GRID1: variants seen among roughly 807,000 people sequenced by gnomAD.
The protein encoded by GRID1 is glutamate receptor ionotropic, delta-1.
GRID1 carries 28 observed loss-of-function variants against 98.0 expected under a neutral mutation model. The observed-to-expected ratio is 0.29, with a 90% CI of 0.21 to 0.39. GRID1 has a LOEUF of 0.39. Ranked by LOEUF, GRID1 falls within the 10% of genes least tolerant of loss-of-function variation. GRID1 has a pLI of 1.00. For missense variants in GRID1, 1,111 were observed against 1,340.5 expected (o/e 0.83, Z 2.67); for synonymous variants, 553 against 538.5 (o/e 1.03, Z -0.37).
At chr10:86,234,658 CT>C (rs1846507854) in intron 2 of GRID1, among the ~76,000 whole-genome samples, 1 of 152,192 alleles carries the variant, frequency 6.6e-6, no homozygotes, top group South Asian at 2.1e-4. Flanking sequence ...TTTAATTTCA[CT>C]TGCTGCTCTC....
intron 5 of GRID1, among the ~76,000 whole-genome samples, chr10:85,877,993 T>C (rs1033640251): frequency 2.6e-5 from 4 of 152,146 alleles, no homozygotes; most frequent in Non-Finnish European, 5.9e-5. Context: ...CAGGAGCCGA[T>C]GCAATCGACT....
At chr10:86,152,349 A>G (rs1845181057) in intron 3 of GRID1, among the ~76,000 whole-genome samples, 1 of 152,206 alleles carries the variant, frequency 6.6e-6, no homozygotes, top group Admixed American at 6.5e-5. Flanking sequence ...GGGATGCCAG[A>G]AAACCCTGAG....
intron 8 of GRID1, among the ~76,000 whole-genome samples, chr10:85,820,550 T>C (rs1842760250): frequency 6.6e-6 from 1 of 152,192 alleles, no homozygotes; most frequent in African/African-American, 2.4e-5. Flanking sequence ...GGTTAATATA[T>C]TATTCCAAGG....
chr10:86,273,716 G>C (rs1397358983), intron 2 of GRID1, among the ~76,000 whole-genome samples: 1 of 152,108 alleles, frequency 6.6e-6, no homozygotes, highest in Non-Finnish European at 1.5e-5. Context: ...GTCTTCTTTT[G>C]AGAAGTGTCT....
rs151208684 is a variant in GRID1 at position 86,365,735 on chromosome 10, G to A, written c.79+579C>T. ...CACACCGGAGAAGCAGGCAGACACT[G>A]TGTCCACTCTAACAGGCTGACAGAC... On this transcript the variant is annotated intron_variant, in intron 1 of 15. Transcript: ENST00000327946. This position sits in a 1 kb window ranked among gnomAD's most constrained non-coding sequence, Gnocchi z 4.8. Among the ~76,000 whole-genome samples, 953 of 152,112 alleles carry A rather than the reference G, an allele frequency of 6.3e-3. 6 individuals are homozygous for A. Among genetic ancestry groups the A allele is most frequent in the African/African-American group, 0.022 (914 of 41,482 alleles).
intron 4 of GRID1, among the ~76,000 whole-genome samples, chr10:86,056,781 T>A (rs1353728882): frequency 6.6e-6 from 1 of 152,214 alleles, no homozygotes; most frequent in East Asian, 1.9e-4. Context: ...AGGAGGCTAT[T>A]TGGCTGTTGC....
intron 13 of GRID1, 46 bp downstream of exon 13, chr10:85,647,156 G>A (rs745765483): frequency 2.7e-5 from 41 of 1,509,744 alleles, no homozygotes; most frequent in Non-Finnish European, 3.2e-5. Flanking sequence ...TGACCACCCC[G>A]TGGCCCTGTT....
At chr10:85,942,919 A>G (rs994772979) in intron 4 of GRID1, among the ~76,000 whole-genome samples, 4 of 152,244 alleles carry the variant, frequency 2.6e-5, no homozygotes, top group African/African-American at 9.6e-5. Context: ...CAGTAGAAGC[A>G]TATCATACAT....
At chr10:85,716,892 C>T (rs1841645879) in intron 12 of GRID1, among the ~76,000 whole-genome samples, 1 of 152,066 alleles carries the variant, frequency 6.6e-6, no homozygotes, top group South Asian at 2.1e-4. Context: ...TATTTGGAAT[C>T]TAAAGAGTCA....
chr10:86,325,345 C>G (rs1437751938), intron 2 of GRID1, among the ~76,000 whole-genome samples: 1 of 152,180 alleles, frequency 6.6e-6, no homozygotes, highest in Non-Finnish European at 1.5e-5. Context: ...CAGCAACTCA[C>G]TCACCATCCT....
At chr10:85,979,838 G>A (rs1421280198) in intron 4 of GRID1, among the ~76,000 whole-genome samples, 1 of 152,118 alleles carries the variant, frequency 6.6e-6, no homozygotes, top group Non-Finnish European at 1.5e-5. Context: ...GCAAAGAATG[G>A]GTCTATCCAG....
At chr10:86,330,317 G>T (rs2132102044) in intron 2 of GRID1, among the ~76,000 whole-genome samples, 1 of 152,154 alleles carries the variant, frequency 6.6e-6, no homozygotes, top group African/African-American at 2.4e-5. Context: ...AGCTCCTCAG[G>T]CAGGCAAAGG....
intron 8 of GRID1, among the ~76,000 whole-genome samples, chr10:85,841,707 C>T (rs1055605489): frequency 5.3e-5 from 8 of 151,456 alleles, no homozygotes; most frequent in Non-Finnish European, 8.9e-5. Flanking sequence ...TACAGGTAGC[C>T]AAAAATAATA....
chr10:85,822,036 T>G (rs1455068974), intron 8 of GRID1, among the ~76,000 whole-genome samples: 1 of 152,052 alleles, frequency 6.6e-6, no homozygotes, highest in East Asian at 1.9e-4. Flanking sequence ...AAAAATTAAT[T>G]CAAGATGGAT....
At chr10:85,656,361 G>C (rs1380922687) in intron 12 of GRID1, among the ~76,000 whole-genome samples, 1 of 152,030 alleles carries the variant, frequency 6.6e-6, no homozygotes, top group African/African-American at 2.4e-5. Flanking sequence ...CTGAATTTTG[G>C]AATCTTCCAG....
At chr10:86,033,268 T>A (rs1843211491) in intron 4 of GRID1, among the ~76,000 whole-genome samples, 1 of 152,158 alleles carries the variant, frequency 6.6e-6, no homozygotes, top group East Asian at 1.9e-4. Flanking sequence ...GGTAACAAAT[T>A]GCCCATGATC....
At chr10:85,984,454 G>A (rs1204735406) in intron 4 of GRID1, among the ~76,000 whole-genome samples, 1 of 152,186 alleles carries the variant, frequency 6.6e-6, no homozygotes, top group Non-Finnish European at 1.5e-5. Flanking sequence ...TGGGTGCTGA[G>A]AGGTCTGGGC....
At chr10:85,925,272 C>G (rs1244265582) in intron 4 of GRID1, among the ~76,000 whole-genome samples, 3 of 152,238 alleles carry the variant, frequency 2.0e-5, no homozygotes, top group Admixed American at 2.0e-4. Context: ...CGGAGCCCAG[C>G]TTTTCTATCC....
At chr10:85,913,810 T>TA (rs1271155401) in intron 5 of GRID1, among the ~76,000 whole-genome samples, 1 of 151,878 alleles carries the variant, frequency 6.6e-6, no homozygotes, top group South Asian at 2.1e-4. Flanking sequence ...AAAATAAAGA[T>TA]AAAAAAAGAA....
Sources: allele counts gnomAD v4.1 joint callset (sites outside exome capture counted in the v4.1 genomes callset), GRCh38; gene constraint gnomAD v4.1.1; non-coding constraint Gnocchi (gnomAD v3.1); transcripts MANE v1.5; gene names NCBI Gene and HGNC (gene_info 2026-07-23, HGNC 2026-07-21).